The following CTNNA2 variants were observed in gnomAD, a reference collection of about 807,000 sequenced individuals.
CTNNA2 encodes catenin alpha-2.
A neutral mutation model predicts 101.0 loss-of-function variants in CTNNA2; 42 were observed. The ratio of observed to expected loss-of-function variants is 0.42; its 90% CI spans 0.32 to 0.54. CTNNA2 has a LOEUF of 0.54. Among genes scored for constraint, CTNNA2 ranks in the 20% least tolerant of loss-of-function variants. CTNNA2 has a pLI of 0.14. For missense variants in CTNNA2, 871 were observed against 1,223.1 expected (o/e 0.71, Z 4.29); for synonymous variants, 450 against 456.4 (o/e 0.99, Z 0.18).
chr2:80,329,525 C>T (rs1339333302), intron 7 of CTNNA2, among the ~76,000 whole-genome samples: 2 of 152,250 alleles, frequency 1.3e-5, no homozygotes, highest in East Asian at 3.9e-4. Context: ...AGGAAGTCAT[C>T]CTGTGGTCAC....
intron 7 of CTNNA2, among the ~76,000 whole-genome samples, chr2:80,019,996 T>C (rs1336524005): frequency 6.6e-6 from 1 of 152,116 alleles, no homozygotes; most frequent in Non-Finnish European, 1.5e-5. Context: ...CATTAGGTCA[T>C]GGGTCACGCA....
chr2:79,533,983 T>G (rs1672902961), intron 1 of CTNNA2, among the ~76,000 whole-genome samples: 1 of 152,156 alleles, frequency 6.6e-6, no homozygotes, highest in Admixed American at 6.6e-5. Context: ...ATCTGAGCCT[T>G]TATAAAGCTT....
chr2:80,079,708 G>A (rs1698995401), intron 7 of CTNNA2, among the ~76,000 whole-genome samples: 2 of 151,864 alleles, frequency 1.3e-5, no homozygotes, highest in Admixed American at 6.6e-5. Flanking sequence ...CAGCTACTCG[G>A]GAGGCTGAGG....
intron 12 of CTNNA2, among the ~76,000 whole-genome samples, chr2:80,560,934 T>G (rs12714009): frequency 0.21 from 31,315 of 151,982 alleles, 3,323 homozygotes; most frequent in Middle Eastern, 0.25. Flanking sequence ...AAATGAGAAC[T>G]TTACACTTTG....
intron 7 of CTNNA2, among the ~76,000 whole-genome samples, chr2:80,211,248 T>A (rs1707871065): frequency 6.6e-6 from 1 of 152,214 alleles, no homozygotes; most frequent in South Asian, 2.1e-4. Flanking sequence ...ACTTTGGCTT[T>A]TGTTGCCATT....
chr2:79,289,565 C>T (rs543834358), intron 2 of CTNNA2, among the ~76,000 whole-genome samples: 9 of 151,560 alleles, frequency 5.9e-5, no homozygotes, highest in Non-Finnish European at 1.0e-4. Context: ...GACCAACATG[C>T]GAAATCCTGT....
At chr2:79,663,753 C>T (rs1306779945) in intron 2 of CTNNA2, among the ~76,000 whole-genome samples, 1 of 152,194 alleles carries the variant, frequency 6.6e-6, no homozygotes, top group Non-Finnish European at 1.5e-5. Flanking sequence ...TGAATTTTCT[C>T]TGACTCCTCC....
chr2:80,105,468 A>G (rs1700822904), intron 7 of CTNNA2, among the ~76,000 whole-genome samples: 1 of 152,180 alleles, frequency 6.6e-6, no homozygotes, highest in Admixed American at 6.6e-5. Context: ...TCACACGTAT[A>G]ATCTCAACAC....
At chr2:80,267,780 A>C (rs1267671038) in intron 7 of CTNNA2, among the ~76,000 whole-genome samples, 1 of 152,240 alleles carries the variant, frequency 6.6e-6, no homozygotes, top group Non-Finnish European at 1.5e-5. Flanking sequence ...AATTGTTCTC[A>C]GATGAGTGGA....
intron 6 of CTNNA2, among the ~76,000 whole-genome samples, chr2:79,903,791 C>G (rs1373410702): frequency 6.6e-6 from 1 of 152,194 alleles, no homozygotes; most frequent in African/African-American, 2.4e-5. Context: ...GGAGCTGAAG[C>G]TGGTCATTGG....
chr2:80,603,927 A>G (rs953582395), intron 15 of CTNNA2, 147 bp from the exon 16 acceptor site: 2 of 572,288 alleles, frequency 3.5e-6, no homozygotes, highest in African/African-American at 3.8e-5. Flanking sequence ...TAGAAACTGG[A>G]GTTAAGCAGG....
intron 1 of CTNNA2, among the ~76,000 whole-genome samples, chr2:79,193,251 ATG>A (rs1340530244): frequency 3.3e-5 from 5 of 152,124 alleles, no homozygotes; most frequent in African/African-American, 1.2e-4. Context: ...TTGCTAGGTC[ATG>A]CTCTTTATAC....
At chr2:80,431,163 A>G (rs940520617) in intron 9 of CTNNA2, among the ~76,000 whole-genome samples, 1 of 152,168 alleles carries the variant, frequency 6.6e-6, no homozygotes, top group Non-Finnish European at 1.5e-5. Context: ...GTATTGGGAC[A>G]TTGCTTTTTA....
intron 7 of CTNNA2, among the ~76,000 whole-genome samples, chr2:79,960,643 A>G (rs1032854587): frequency 5.3e-5 from 8 of 152,250 alleles, no homozygotes; most frequent in African/African-American, 1.9e-4. Context: ...GAGGTTATAA[A>G]GGTAACAAAG....
chr2:80,085,831 AAG>A (rs1473185401), intron 7 of CTNNA2, among the ~76,000 whole-genome samples: 2 of 152,038 alleles, frequency 1.3e-5, no homozygotes, highest in East Asian at 1.9e-4. Flanking sequence ...AAGTAGAGAA[AAG>A]AGAGAAGGGT....
At chr2:80,422,157 C>G (rs1452760955) in intron 9 of CTNNA2, among the ~76,000 whole-genome samples, 1 of 152,114 alleles carries the variant, frequency 6.6e-6, no homozygotes, top group Admixed American at 6.5e-5. Context: ...GTGGGGAGGC[C>G]TCACAATCGT....
At chr2:79,400,426 A>G (rs1319563243) in intron 4 of CTNNA2, among the ~76,000 whole-genome samples, 1 of 152,032 alleles carries the variant, frequency 6.6e-6, no homozygotes, top group Non-Finnish European at 1.5e-5. Context: ...TAGCTGCTAT[A>G]TAGAGAATAT....
intron 7 of CTNNA2, among the ~76,000 whole-genome samples, chr2:79,921,749 AGACTTAGAGC>A (rs1372742704): frequency 6.6e-6 from 1 of 152,200 alleles, no homozygotes; most frequent in African/African-American, 2.4e-5. Context: ...TGCAGCTGAG[AGACTTAGAGC>A]ATCAACCCAG....
chr2:79,847,992 C>T (rs911424255), intron 3 of CTNNA2, among the ~76,000 whole-genome samples: 1 of 151,980 alleles, frequency 6.6e-6, no homozygotes, highest in African/African-American at 2.4e-5. Context: ...CATTTCAGTG[C>T]GTTTTGATTT....
Sources: gnomAD v4.1 joint callset for allele counts (sites outside exome capture counted in the v4.1 genomes callset) on GRCh38, gnomAD v4.1.1 for gene constraint, MANE v1.5 for transcripts, NCBI Gene and HGNC (gene_info 2026-07-23, HGNC 2026-07-21) for gene names.